The following RFX3 variants were observed in gnomAD, a reference collection of about 807,000 sequenced individuals.
RFX3 encodes regulatory factor X3.
RFX3 carries 14 observed loss-of-function variants against 98.6 expected under a neutral mutation model. That is an observed-to-expected ratio of 0.14 (90% CI 0.09 to 0.22). The LOEUF is 0.22. Among genes scored for constraint, RFX3 ranks in the 10% least tolerant of loss-of-function variants. The pLI, the probability that RFX3 is intolerant of heterozygous loss-of-function variation, is 1.00. For missense variants in RFX3, 639 were observed against 926.9 expected (o/e 0.69, Z 4.03); for synonymous variants, 383 against 328.4 (o/e 1.17, Z -1.80).
chr9:3,413,872 T>C (rs557244460), intron 1 of RFX3, among the ~76,000 whole-genome samples: 7 of 152,192 alleles, frequency 4.6e-5, no homozygotes, highest in Admixed American at 2.6e-4. Flanking sequence ...AGAAAAAAAT[T>C]ATACTCTCCA....
At chr9:3,503,545 A>C (rs1816280039) in intron 1 of RFX3, among the ~76,000 whole-genome samples, 1 of 152,142 alleles carries the variant, frequency 6.6e-6, no homozygotes, top group Non-Finnish European at 1.5e-5. Flanking sequence ...CTGACACCAA[A>C]CTGAAATGGA....
At chr9:3,333,770 C>A (rs1832857504) in intron 3 of RFX3, among the ~76,000 whole-genome samples, 1 of 152,110 alleles carries the variant, frequency 6.6e-6, no homozygotes, top group African/African-American at 2.4e-5. Flanking sequence ...GCCCCCTTTC[C>A]TTTTCATCAT....
At chr9:3,299,145 TAAC>T (rs1012126755) in intron 5 of RFX3, among the ~76,000 whole-genome samples, 4 of 151,802 alleles carry the variant, frequency 2.6e-5, no homozygotes, top group East Asian at 1.9e-4. Context: ...TTTAAAATAT[TAAC>T]AACAATTTTT....
chr9:3,428,129 A>T (rs558629297), intron 1 of RFX3, among the ~76,000 whole-genome samples: 80 of 152,246 alleles, frequency 5.3e-4, no homozygotes, highest in South Asian at 4.1e-4. Flanking sequence ...TATTTTGTTC[A>T]GTTTTATCAC....
At chr9:3,440,333 T>C (rs190230992) in intron 1 of RFX3, among the ~76,000 whole-genome samples, 3 of 152,146 alleles carry the variant, frequency 2.0e-5, no homozygotes, top group Admixed American at 2.0e-4. Flanking sequence ...GACAATATGA[T>C]CATCTAGACA....
At chr9:3,255,251 T>C (rs1376309554) in intron 14 of RFX3, among the ~76,000 whole-genome samples, 1 of 152,232 alleles carries the variant, frequency 6.6e-6, no homozygotes, top group Non-Finnish European at 1.5e-5. Flanking sequence ...AGACCTCTGA[T>C]TCCATCATTA....
At chr9:3,414,065 C>T (rs567899653) in intron 1 of RFX3, among the ~76,000 whole-genome samples, 1 of 152,036 alleles carries the variant, frequency 6.6e-6, no homozygotes, top group South Asian at 2.1e-4. Flanking sequence ...ATTTTCACAA[C>T]AACCTTGTGT....
Position 3,313,402 on chromosome 9 carries a change from C to A in RFX3, c.475-11782G>T, listed in dbSNP as rs185090372. ...CAAAGACCAAAGGTAGATAAAACCA[C>A]AAAGATGGGGAGAAACCAGAGCAGA... On this transcript the variant is annotated intron_variant, in intron 4 of 16. Transcript: ENST00000617270. 9.5e-4 allele frequency among the ~76,000 whole-genome samples: 145 copies of A among 152,268 alleles called. 1 individual carries two copies. The highest frequency in any genetic ancestry group is 8.8e-3 in the Admixed American group (134 of 15,296).
intron 1 of RFX3, among the ~76,000 whole-genome samples, chr9:3,487,394 T>C (rs1378584983): frequency 6.6e-6 from 1 of 152,242 alleles, no homozygotes; most frequent in Non-Finnish European, 1.5e-5. Context: ...ACTATACTAC[T>C]CTTTAAAGAC....
At chr9:3,360,025 AG>A (rs1325650027) in intron 2 of RFX3, among the ~76,000 whole-genome samples, 1 of 152,144 alleles carries the variant, frequency 6.6e-6, no homozygotes, top group Non-Finnish European at 1.5e-5. Context: ...CATTTCTAAA[AG>A]AGATGGGGAA....
chr9:3,506,230 T>A (rs2133783067), intron 1 of RFX3, among the ~76,000 whole-genome samples: 1 of 149,762 alleles, frequency 6.7e-6, no homozygotes, highest in African/African-American at 2.5e-5. Context: ...AAAAAAAAGG[T>A]TTTTCAGGGT....
At chr9:3,519,934 CAAA>C (rs554350157) in intron 1 of RFX3, among the ~76,000 whole-genome samples, 1 of 116,132 alleles carries the variant, frequency 8.6e-6, no homozygotes, top group African/African-American at 3.1e-5. Context: ...CCTGTCTCTA[CAAA>C]AAAAAAAAAA....
intron 1 of RFX3, among the ~76,000 whole-genome samples, chr9:3,509,556 T>A (rs1276481113): frequency 6.6e-6 from 1 of 151,958 alleles, no homozygotes; most frequent in East Asian, 1.9e-4. Flanking sequence ...GTATGGCATT[T>A]CTCCTTAAAA....
chr9:3,515,437 T>C (rs1035649814), intron 1 of RFX3, among the ~76,000 whole-genome samples: 16 of 152,162 alleles, frequency 1.1e-4, no homozygotes, highest in African/African-American at 3.1e-4. Flanking sequence ...GAAGAAATAC[T>C]GGATCACCTG....
At chr9:3,282,045 C>T (rs1196813103) in intron 7 of RFX3, among the ~76,000 whole-genome samples, 2 of 151,764 alleles carry the variant, frequency 1.3e-5, no homozygotes, top group Non-Finnish European at 2.9e-5. Context: ...CCAGAAATTA[C>T]ACAATCATTT....
intron 2 of RFX3, among the ~76,000 whole-genome samples, chr9:3,352,509 C>T (rs1835266771): frequency 6.6e-6 from 1 of 151,994 alleles, no homozygotes; most frequent in African/African-American, 2.4e-5. Flanking sequence ...TACTTAAGGT[C>T]TTACCACTAT....
chr9:3,520,474 A>T (rs544924801), intron 1 of RFX3, among the ~76,000 whole-genome samples: 11 of 152,304 alleles, frequency 7.2e-5, no homozygotes, highest in African/African-American at 2.2e-4. Context: ...ATGATACAAG[A>T]AGTAGCCCAA....
At chr9:3,247,162 T>C (rs1820786081) in intron 15 of RFX3, 1 of 985,414 alleles carries the variant, frequency 1.0e-6, no homozygotes, top group Admixed American at 6.2e-5. Flanking sequence ...AGGTATAAAC[T>C]ACCCCCGCCT....
intron 3 of RFX3, among the ~76,000 whole-genome samples, chr9:3,340,542 C>G (rs1395728957): frequency 3.3e-5 from 5 of 151,930 alleles, no homozygotes; most frequent in Non-Finnish European, 7.4e-5. Context: ...GCAATGAACT[C>G]AAACAAATTT....
Sources: allele counts gnomAD v4.1 joint callset (sites outside exome capture counted in the v4.1 genomes callset), GRCh38; gene constraint gnomAD v4.1.1; transcripts MANE v1.5; gene names NCBI Gene and HGNC (gene_info 2026-07-23, HGNC 2026-07-21).